Variants in RRM1 observed in about 807,000 individuals in gnomAD.
RRM1 encodes the protein ribonucleotide reductase catalytic subunit M1.
RRM1 carries 19 observed loss-of-function variants against 101.5 expected under a neutral mutation model. That is an observed-to-expected ratio of 0.19 (90% CI 0.13 to 0.27). RRM1 has a LOEUF of 0.27. Among genes scored for constraint, RRM1 ranks in the 10% least tolerant of loss-of-function variants. The pLI, the probability that RRM1 is intolerant of heterozygous loss-of-function variation, is 1.00. For synonymous variants in RRM1, 298 were observed against 323.4 expected (o/e 0.92, Z 0.84); for missense variants, 500 against 962.9 (o/e 0.52, Z 6.36).
intron 11 of RRM1, among the ~76,000 whole-genome samples, chr11:4,122,872 CAA>C (rs140332856): frequency 8.3e-5 from 10 of 120,388 alleles, no homozygotes; most frequent in Admixed American, 1.8e-4. Flanking sequence ...AACTCCGTCT[CAA>C]AAAAAAAAAA....
At chr11:4,107,343 G>A (rs980564969) in intron 3 of RRM1, 92 bp from the exon 4 acceptor site, 5 of 845,172 alleles carry the variant, frequency 5.9e-6, no homozygotes, top group Non-Finnish European at 7.9e-6. Flanking sequence ...TGACAAAAAG[G>A]GTTGAGAACC....
At chr11:4,127,312 G>T in intron 14 of RRM1, 56 bp downstream of exon 14, 1 of 1,108,828 alleles carries the variant, frequency 9.0e-7, no homozygotes, top group Non-Finnish European at 1.3e-6. Context: ...GGGCTGAATG[G>T]TGACCCCACA....
At chr11:4,102,925 C>T (rs1049602686) in intron 2 of RRM1, among the ~76,000 whole-genome samples, 12 of 152,188 alleles carry the variant, frequency 7.9e-5, no homozygotes, top group Non-Finnish European at 1.3e-4. Context: ...TCCTGGACTT[C>T]CTCTAATCTT....
intron 2 of RRM1, 89 bp from the exon 3 acceptor site, chr11:4,105,957 C>T (rs1365541311): frequency 3.7e-6 from 4 of 1,090,872 alleles, no homozygotes; most frequent in Non-Finnish European, 5.5e-6. Flanking sequence ...TACTACCACA[C>T]CTGGCCATGA....
chr11:4,123,263 C>G lies in RRM1; in HGVS notation c.1199C>G (p.Thr400Arg). 6.2e-7 allele frequency: 1 copy of G among 1,614,086 alleles called. No individual in the cohort carries two copies. The highest frequency in any genetic ancestry group is 8.5e-7 in the Non-Finnish European group (1 of 1,180,000). The part of the protein sequence containing the change: ...WYAIIESQTE[T>R]GTPYMLYKDS... ...GCCATCATTGAGTCTCAGACGGAAA[C>G]AGGCACCCCGTATATGCTCTACAAA... The change falls in exon 12 of 19, where the codon ACA becomes AGA. Residue 400 changes from threonine (T) to arginine (R), a missense_variant. Thr to Arg is a moderately conservative substitution (Grantham distance 71, BLOSUM62 -1). Transcript: ENST00000300738.
chr11:4,106,580 C>T (rs1430699576), intron 3 of RRM1, among the ~76,000 whole-genome samples: 1 of 152,114 alleles, frequency 6.6e-6, no homozygotes, highest in African/African-American at 2.4e-5. Context: ...AACCCTTTCT[C>T]TACTAAAAAT....
At chr11:4,113,180 C>CA (rs2094567933) in intron 7 of RRM1, among the ~76,000 whole-genome samples, 1 of 151,642 alleles carries the variant, frequency 6.6e-6, no homozygotes, top group African/African-American at 2.4e-5. Context: ...ATGGTAACAT[C>CA]AAAAAATACA....
chr11:4,108,369 C>A (rs903383191), intron 4 of RRM1, among the ~76,000 whole-genome samples: 2 of 152,002 alleles, frequency 1.3e-5, no homozygotes, highest in Non-Finnish European at 2.9e-5. Flanking sequence ...GAGGCTGAGG[C>A]GGGTGGATCA....
At chr11:4,097,663 C>T (rs1266187259) in intron 1 of RRM1, among the ~76,000 whole-genome samples, 1 of 152,082 alleles carries the variant, frequency 6.6e-6, no homozygotes, top group Non-Finnish European at 1.5e-5. Flanking sequence ...GTGATCTCAG[C>T]TCACTGCAGT....
At position 4,138,274 on chromosome 11, in the gene RRM1, T is replaced by G; in HGVS notation, c.2270T>G (p.Leu757Arg). The G allele has an allele frequency of 6.2e-7, 1 of 1,610,374 alleles. No homozygotes were observed. The highest frequency in any genetic ancestry group is 1.3e-5 in the African/African-American group (1 of 74,876). The change falls in exon 19 of 19, where the codon CTA becomes CGA. Residue 757 changes from leucine to arginine, a missense_variant. Leu to Arg is a moderately radical substitution (Grantham distance 102). This residue lies in a region of RRM1 where 33 missense variants were observed against 40.7 expected (regional missense o/e 0.81). Transcript: ENST00000300738. The stretch of plus-strand genomic sequence containing the variant: ...CAGTTCACTCTAAATAAGGAGAAGC[T>G]AAAAGATAAAGAAAAGGTATCAAAA... ...PIQFTLNKEKLKDKEKVSKEE... is the reference protein window; with the variant it reads ...PIQFTLNKEKRKDKEKVSKEE...
At position 4,094,930 on chromosome 11, in the gene RRM1, ACT is replaced by A; in HGVS notation, c.-80_-79del. ...CAGCGCCTGGAACCTAACCCTTCCC[ACT>A]CTGTCACCTTCTCGATCCCGCCGGC... On this transcript the variant is annotated 5_prime_UTR_variant, in exon 1 of 19. Coordinates refer to ENST00000300738, the MANE Select transcript of RRM1 (RefSeq NM_001033.5). 2 of 1,454,802 alleles carry A rather than the reference ACT, an allele frequency of 1.4e-6. No homozygotes were observed. The highest frequency in any genetic ancestry group is 1.9e-6 in the Non-Finnish European group (2 of 1,059,202). The allele number at this position is 1,454,802 out of a possible 1,614,324, so 90.1% of individuals were successfully genotyped here.
chr11:4,130,988 AAATAAT>A lies in RRM1; in HGVS notation c.1770-1292_1770-1287del, dbSNP rs776824607. Among the ~76,000 whole-genome samples, 6 of 152,356 alleles carry A rather than the reference AAATAAT, an allele frequency of 3.9e-5. No individual in the cohort carries two copies. The South Asian group carries it at 1.2e-3, about 32-fold the overall frequency. ...CACCCCCCAAAAAAAGTAAATAAAAAAATAATAATAACTAAAAAGTAGAGAACCCAG... is the reference window on the plus strand; with the variant it reads ...CACCCCCCAAAAAAAGTAAATAAAAAAATAACTAAAAAGTAGAGAACCCAG... On this transcript the variant is annotated intron_variant, in intron 15 of 18. Coordinates refer to ENST00000300738, the MANE Select transcript of RRM1 (RefSeq NM_001033.5).
intron 18 of RRM1, 53 bp from the exon 19 acceptor site, chr11:4,138,142 G>A (rs2094617280): frequency 9.7e-7 from 1 of 1,033,158 alleles, no homozygotes; most frequent in African/African-American, 1.6e-5. Flanking sequence ...GGTGTGGAAT[G>A]TCTAGTATTC....
At chr11:4,111,291 G>C (rs1332692164) in intron 5 of RRM1, among the ~76,000 whole-genome samples, 4 of 151,906 alleles carry the variant, frequency 2.6e-5, no homozygotes, top group Middle Eastern at 6.8e-3. Context: ...GGCGCCTGTA[G>C]TCCCAGCTAC....
At chr11:4,112,227 A>G (rs1349873170) in intron 7 of RRM1, among the ~76,000 whole-genome samples, 165 bp downstream of exon 7, 10 of 152,244 alleles carry the variant, frequency 6.6e-5, no homozygotes. Context: ...TGAATTGGAG[A>G]AAAGGCAAAT....
At chr11:4,126,637 G>A in intron 12 of RRM1, 47 bp from the exon 13 acceptor site, 1 of 1,566,346 alleles carries the variant, frequency 6.4e-7, no homozygotes, top group Non-Finnish European at 8.7e-7. Context: ...GACACAGGAA[G>A]TAGAAATAAA....
intron 8 of RRM1, among the ~76,000 whole-genome samples, chr11:4,119,386 T>C (rs554365199): frequency 6.6e-6 from 1 of 152,378 alleles, no homozygotes; most frequent in East Asian, 1.9e-4. Flanking sequence ...GTCCACTTAT[T>C]GCTGAGAATC....
intron 15 of RRM1, among the ~76,000 whole-genome samples, chr11:4,130,373 C>G (rs1224114818): frequency 6.6e-6 from 1 of 151,884 alleles, no homozygotes; most frequent in Non-Finnish European, 1.5e-5. Flanking sequence ...TACACATACA[C>G]GGTTTTGTCA....
chr11:4,124,376 TA>T (rs1226850184), intron 12 of RRM1, among the ~76,000 whole-genome samples: 2 of 150,658 alleles, frequency 1.3e-5, no homozygotes, highest in South Asian at 2.1e-4. Flanking sequence ...TCTAGGACCT[TA>T]AAAAAAAAGA....
Sources: allele counts gnomAD v4.1 joint callset (sites outside exome capture counted in the v4.1 genomes callset), GRCh38; gene constraint gnomAD v4.1.1; regional missense constraint gnomAD v4.1.1; transcripts MANE v1.5; gene names NCBI Gene and HGNC (gene_info 2026-07-23, HGNC 2026-07-21).